SYNRG: variants seen among roughly 807,000 people sequenced by gnomAD.
SYNRG encodes the protein AP1 gamma subunit binding protein 1.
Under a neutral mutation model 130.9 loss-of-function variants are expected in SYNRG, and 37 were observed. The ratio of observed to expected loss-of-function variants is 0.28; its 90% confidence interval spans 0.22 to 0.37. The LOEUF (loss-of-function observed/expected upper bound fraction) is 0.37. Among genes scored for constraint, SYNRG ranks in the 10% least tolerant of loss-of-function variants. The probability of loss-of-function intolerance (pLI) is 1.00; values close to 1 mark genes in which losing one functional copy is unlikely to be tolerated. For missense variants in SYNRG, 1,338 were observed against 1,588.9 expected (o/e 0.84, Z 2.68); for synonymous variants, 539 against 568.1 (o/e 0.95, Z 0.73).
At position 37,520,685 on chromosome 17, in the gene SYNRG, CA is replaced by C. The variant is rs1568239371; in HGVS notation, c.3667-38del. 12 of 1,554,932 alleles carry C rather than the reference CA, an allele frequency of 7.7e-6. No individual in the cohort carries two copies. The Admixed American group carries it at 1.7e-4, about 22-fold the overall frequency. On this transcript the variant is annotated intron_variant, in intron 19 of 21. Coordinates refer to ENST00000612223, the MANE Select transcript of SYNRG (RefSeq NM_007247.6). ...ACAAGACAAATGGGTAAGAAGTCCA[CA>C]AGTCCACACGCTGTTCACTTCACTC...
chr17:37,545,104 A>G (rs755454080), intron 14 of SYNRG, among the ~76,000 whole-genome samples: 1 of 152,064 alleles, frequency 6.6e-6, no homozygotes, highest in Non-Finnish European at 1.5e-5. Flanking sequence ...CTGTAATTCC[A>G]GCTACTCAGG....
intron 1 of SYNRG, among the ~76,000 whole-genome samples, chr17:37,608,992 C>CCCCA (rs763718634): frequency 1.4e-5 from 2 of 145,694 alleles, no homozygotes; most frequent in East Asian, 2.1e-4. Context: ...CCCCGCCCCC[C>CCCCA]CCCACCCCAA....
intron 12 of SYNRG, 84 bp from the exon 13 acceptor site, chr17:37,561,341 A>T (rs984668826): frequency 2.7e-6 from 4 of 1,491,536 alleles, no homozygotes; most frequent in Admixed American, 3.5e-5. Context: ...TGGTTTAACC[A>T]AACACTATTA....
chr17:37,601,164 T>C (rs530917584), intron 1 of SYNRG, among the ~76,000 whole-genome samples: 1 of 152,204 alleles, frequency 6.6e-6, no homozygotes, highest in African/African-American at 2.4e-5. Flanking sequence ...ACCTCCTGTG[T>C]TCAAGCAATT....
intron 1 of SYNRG, among the ~76,000 whole-genome samples, chr17:37,601,450 C>T (rs1430591505): frequency 6.6e-6 from 1 of 152,100 alleles, no homozygotes; most frequent in Non-Finnish European, 1.5e-5. Context: ...GTAACATATA[C>T]ATAACATAAA....
intron 8 of SYNRG, among the ~76,000 whole-genome samples, chr17:37,574,477 G>A (rs970785560): frequency 1.3e-5 from 2 of 152,002 alleles, no homozygotes; most frequent in African/African-American, 4.8e-5. Flanking sequence ...CCACAGAACG[G>A]GAGAAAATAT....
Position 37,577,587 on chromosome 17 carries a change from C to G in SYNRG, c.616G>C (p.Val206Leu), listed in dbSNP as rs749235118. 2 of 1,613,898 alleles carry G rather than the reference C, an allele frequency of 1.2e-6. No individual in the cohort carries two copies. The highest frequency in any genetic ancestry group is 1.6e-4 in the Middle Eastern group (1 of 6,062). Residue 206 changes from valine to leucine, a missense_variant, in exon 7 of 22, where the codon GTA (valine) becomes CTA (leucine). Val to Leu is a conservative substitution (Grantham distance 32). Around this residue, in one of 3 missense-constraint regions of SYNRG, gnomAD observed 1,146 missense variants for 1,342.3 expected, o/e 0.85. Coordinates refer to ENST00000612223, the MANE Select transcript of SYNRG (RefSeq NM_007247.6). ...PGPSLEEKFL[V>L]SCDISTSGQE... ...CCAGATGTACTTATATCACAAGATA[C>G]TAGGAACTTCTCCTCCAAGGAAGGG...
rs1245832207 is a variant in SYNRG at position 37,561,503 on chromosome 17, T to A, written c.1568A>T (p.Asp523Val). 6.2e-7 allele frequency: 1 copy of A among 1,613,722 alleles called. No individual in the cohort carries two copies. Among genetic ancestry groups the A allele is most frequent in the Non-Finnish European group, 8.5e-7 (1 of 1,179,756 alleles). The change falls in exon 12 of 22, where the codon GAC becomes GTC. Residue 523 changes from aspartate to valine, a missense_variant. Physicochemically the swap from Asp to Val is radical, Grantham distance 152. This residue lies in a region of SYNRG where 1,146 missense variants were observed against 1,342.3 expected (regional missense o/e 0.85). Transcript: ENST00000612223. The part of the protein sequence containing the change: ...KYAVFKGIAA[D>V]KSSENTVPPG... The stretch of plus-strand genomic sequence containing the variant: ...TGGAACAGTATTTTCAGAGGACTTG[T>A]CAGCTGCAATTCCTTTAAACACAGC...
intron 19 of SYNRG, among the ~76,000 whole-genome samples, chr17:37,527,117 A>T (rs1235447250): frequency 6.6e-6 from 1 of 152,234 alleles, no homozygotes; most frequent in Non-Finnish European, 1.5e-5. Flanking sequence ...CATTGAAAGG[A>T]AGTAGTAAAG....
At chr17:37,533,582 C>CT (rs1398520566) in intron 19 of SYNRG, among the ~76,000 whole-genome samples, 1 of 146,580 alleles carries the variant, frequency 6.8e-6, no homozygotes, top group African/African-American at 2.5e-5. Context: ...TCTTTCTTTT[C>CT]TTTTTCTTTT....
At chr17:37,587,291 G>A (rs975877615) in intron 3 of SYNRG, among the ~76,000 whole-genome samples, 5 of 152,192 alleles carry the variant, frequency 3.3e-5, no homozygotes, top group South Asian at 2.1e-4. Context: ...GGCTATAAGC[G>A]TGTGCCCTCG....
At chr17:37,545,229 A>AAT (rs2058170685) in intron 14 of SYNRG, among the ~76,000 whole-genome samples, 1 of 151,256 alleles carries the variant, frequency 6.6e-6, no homozygotes, top group African/African-American at 2.4e-5. Context: ...CAAAAAAAAA[A>AAT]AATAATAATA....
chr17:37,597,077 C>T (rs1009917957), intron 2 of SYNRG, among the ~76,000 whole-genome samples: 2 of 152,192 alleles, frequency 1.3e-5, no homozygotes, highest in Admixed American at 6.5e-5. Context: ...GTAGTTTCCT[C>T]CTGGTTCTTT....
rs1213414771 is a variant in SYNRG, at chr17:37,520,608, C to T, written c.3707G>A (p.Arg1236Gln). The change falls in exon 20 of 22, where the codon CGG (arginine) becomes CAG (glutamine). Residue 1236 changes from arginine to glutamine, a missense_variant. Arg to Gln is a conservative substitution (Grantham distance 43). Transcript: ENST00000612223. ...CTCCTGAGCATTTTTAATCCCAGGC[C>T]GTAACATACAGGAGGAAAAATCCAG... The part of the protein sequence containing the change: ...NSLDFSSCML[R>Q]PGIKNAQELA... 3.7e-6 allele frequency: 6 copies of T among 1,614,132 alleles called. No homozygotes were observed. The highest frequency in any genetic ancestry group is 2.2e-5 in the East Asian group (1 of 44,890).
rs776077101 is a variant in SYNRG at position 37,585,469 on chromosome 17, GATTATAC to G, written c.372-46_372-40del. 4 of 1,382,062 alleles carry G rather than the reference GATTATAC, an allele frequency of 2.9e-6. No individual in the cohort carries two copies. In the South Asian group the frequency reaches 4.7e-5, roughly 16 times the overall value. 85.6% of individuals were successfully genotyped at this position (1,382,062 alleles called of 1,614,324 possible). A position where few individuals can be genotyped will look rare whatever the true frequency, so the allele number is the denominator to read the frequency against. ...GATCTAATAAAGAACCAGCTCCCGG[GATTATAC>G]ACTGTGTTTTATATTCAGATTTCTA... On this transcript the variant is annotated intron_variant, in intron 4 of 21. Transcript: ENST00000612223.
chr17:37,540,630 C>CTTTTTTT (rs767724523), intron 15 of SYNRG, 87 bp from the exon 16 acceptor site: 12 of 695,972 alleles, frequency 1.7e-5, no homozygotes, highest in South Asian at 7.7e-5. Flanking sequence ...CAACCCTCTT[C>CTTTTTTT]TTTTTTTTTT....
rs34008016 is a variant in SYNRG, at chr17:37,577,695, C to CTTTTT, written c.590-87_590-83dup. The CTTTTT allele has an allele frequency of 1.6e-4, 92 of 584,614 alleles. 2 individuals are homozygous for CTTTTT. In the African/African-American group the frequency reaches 1.6e-3, roughly 10 times the overall value. The allele number at this position is 584,614 out of a possible 1,614,324, so 36.2% of individuals were successfully genotyped here. On this transcript the variant is annotated intron_variant, in intron 6 of 21. Coordinates refer to ENST00000612223, the MANE Select transcript of SYNRG (RefSeq NM_007247.6). ...AACCATCCATCTCCACCCCCATATT[C>CTTTTT]TTTTTTTTTTTTTTTTTTTTTGAGA... is the stretch of plus-strand genomic sequence containing the variant.
chr17:37,541,857 G>T, intron 15 of SYNRG, 115 bp downstream of exon 15: 1 of 1,032,468 alleles, frequency 9.7e-7, no homozygotes, highest in Non-Finnish European at 1.4e-6. Context: ...TGATTTCAAA[G>T]ATTAGAACAA....
At chr17:37,519,557 G>A (rs1425113619) in intron 21 of SYNRG, among the ~76,000 whole-genome samples, 3 of 152,120 alleles carry the variant, frequency 2.0e-5, no homozygotes, top group East Asian at 3.8e-4. Context: ...GTTAGAGAAC[G>A]ACAGATAACA....
Sources: allele counts gnomAD v4.1 joint callset (sites outside exome capture counted in the v4.1 genomes callset), GRCh38; gene constraint gnomAD v4.1.1; regional missense constraint gnomAD v4.1.1; transcripts MANE v1.5; gene names NCBI Gene and HGNC (gene_info 2026-07-23, HGNC 2026-07-21).